Variants in CHI3L1 observed in about 807,000 individuals in gnomAD.
CHI3L1 encodes the protein chitinase 3 like 1, also known as chitinase-3-like protein 1.
CHI3L1 carries 30 observed loss-of-function variants against 40.7 expected under a neutral mutation model. That is an observed-to-expected ratio of 0.74 (90% CI 0.55 to 1.00). The LOEUF is 1.00. Among genes scored for constraint, CHI3L1 ranks in the 50% least tolerant of loss-of-function variants. The probability of loss-of-function intolerance (pLI) is 0.00; values close to 1 mark genes in which losing one functional copy is unlikely to be tolerated. For synonymous variants in CHI3L1, 210 were observed against 192.1 expected (o/e 1.09, Z -0.77); for missense variants, 493 against 492.2 (o/e 1.00, Z -0.01).
Position 203,181,142 on chromosome 1 carries a change from C to T in CHI3L1, c.711+20G>A. ...GGTCTTGCGGCCCCCTCCTGGCCCT[C>T]CCTCCTTCTGGGAACTCACAGTGTT... is the stretch of plus-strand genomic sequence containing the variant. On this transcript the variant is annotated intron_variant, in intron 7 of 9. Coordinates refer to ENST00000255409, the MANE Select transcript of CHI3L1 (RefSeq NM_001276.4). 3 of 1,613,202 alleles carry T rather than the reference C, an allele frequency of 1.9e-6. No homozygotes were observed. The highest frequency in any genetic ancestry group is 1.1e-5 in the South Asian group (1 of 90,960).
chr1:203,182,734 G>A lies in CHI3L1; in HGVS notation c.584C>T (p.Ser195Phe). Residue 195 changes from serine to phenylalanine, a missense_variant, in exon 6 of 10, where the codon TCC becomes TTC. Coordinates refer to ENST00000255409, the MANE Select transcript of CHI3L1 (RefSeq NM_001276.4). ...IDSSYDIAKI[S>F]QHLDFISIMT... is the part of the protein sequence containing the mutation. ...CTGCCTGGGGCAGGAGACTCACTGG[G>A]ATATCTTGGCAATGTCATAGCTGCT... is the stretch of plus-strand genomic sequence containing the variant. 1 of 1,613,986 alleles carries A rather than the reference G, an allele frequency of 6.2e-7. No individual in the cohort carries two copies. Among genetic ancestry groups the A allele is most frequent in the Non-Finnish European group, 8.5e-7 (1 of 1,179,992 alleles).
chr1:203,183,609 A>T (rs200389560), intron 5 of CHI3L1, 32 bp downstream of exon 5: 6 of 1,610,774 alleles, frequency 3.7e-6, no homozygotes, highest in Non-Finnish European at 5.1e-6. Context: ...ATGCCTGCCC[A>T]CCTCCCTCCC....
chr1:203,183,615 C>T, intron 5 of CHI3L1, 26 bp downstream of exon 5: 1 of 1,612,792 alleles, frequency 6.2e-7, no homozygotes, highest in Non-Finnish European at 8.5e-7. Flanking sequence ...GCCCACCTCC[C>T]TCCCTGTCCC....
At chr1:203,179,949 C>A in intron 8 of CHI3L1, 72 bp from the exon 9 acceptor site, 2 of 1,369,836 alleles carry the variant, frequency 1.5e-6, no homozygotes, top group South Asian at 2.5e-5. Context: ...GGAGACGCCA[C>A]TCTCCAAATC....
In CHI3L1 at chr1:203,180,000, A is replaced by C. The variant is rs1163919773; in HGVS notation, c.895-123T>G. Reference sequence around the variant, plus strand: ...TCCATCCTGCAGCCTCACTCTCTGCAGGGTCTGCAGGCTGCATGCATCACA... The same window carrying C: ...TCCATCCTGCAGCCTCACTCTCTGCCGGGTCTGCAGGCTGCATGCATCACA... On this transcript the variant is annotated intron_variant, in intron 8 of 9. Coordinates refer to ENST00000255409, the MANE Select transcript of CHI3L1 (RefSeq NM_001276.4). 8.3e-6 allele frequency: 7 copies of C among 845,380 alleles called. No homozygotes were observed. The Admixed American group carries it at 1.7e-4, about 21-fold the overall frequency. The allele number at this position is 845,380 out of a possible 1,614,324, so 52.4% of individuals were successfully genotyped here.
chr1:203,182,916 G>C, intron 5 of CHI3L1, 64 bp from the exon 6 acceptor site: 1 of 1,560,350 alleles, frequency 6.4e-7, no homozygotes, highest in Non-Finnish European at 8.8e-7. Flanking sequence ...GACTCATCGA[G>C]GGCGGACTAG....
At chr1:203,179,649 T>G in intron 9 of CHI3L1, 64 bp from the exon 10 acceptor site, 1 of 1,613,872 alleles carries the variant, frequency 6.2e-7, no homozygotes, top group South Asian at 1.1e-5. Flanking sequence ...ACAGGGCACA[T>G]GTGCTCTGTG....
chr1:203,184,956 G>A (rs1178124780), intron 3 of CHI3L1, among the ~76,000 whole-genome samples: 1 of 152,062 alleles, frequency 6.6e-6, no homozygotes, highest in African/African-American at 2.4e-5. Flanking sequence ...GCAGGAGAGG[G>A]TTCCCCTCTC....
intron 2 of CHI3L1, 89 bp downstream of exon 2, chr1:203,186,227 G>T: frequency 7.1e-7 from 1 of 1,403,110 alleles, no homozygotes; most frequent in Non-Finnish European, 9.9e-7. Context: ...CTGGCAAAGT[G>T]TTCCCTTGGA....
rs920357181 is a variant in CHI3L1 at position 203,182,751 on chromosome 1, A to G, written c.567T>C (p.Tyr189=). 6.2e-7 allele frequency: 1 copy of G among 1,614,124 alleles called. No individual in the cohort carries two copies. The highest frequency in any genetic ancestry group is 8.5e-7 in the Non-Finnish European group (1 of 1,180,022). Residue 189 remains tyrosine, a synonymous_variant, in exon 6 of 10, where the codon TAT becomes TAC. Transcript: ENST00000255409. The part of the protein sequence containing the change: ...SAGKVTIDSS[Y]DIAKISQHLD... ...CTCACTGGGATATCTTGGCAATGTCATAGCTGCTGTCAATGGTGACCTTCC... is the reference window on the plus strand; with the variant it reads ...CTCACTGGGATATCTTGGCAATGTCGTAGCTGCTGTCAATGGTGACCTTCC...
chr1:203,179,809 CTTGGTGGCAT>C lies in CHI3L1; in HGVS notation c.953_962del (p.Tyr318TrpfsTer6). 1.2e-6 allele frequency: 2 copies of C among 1,614,210 alleles called. No homozygotes were observed. On this transcript the variant is annotated frameshift_variant, in exon 9 of 10. Transcript: ENST00000255409. LOFTEE classifies it low-confidence loss of function (END_TRUNC). ...CGTCGTATCCTACCCACTGGTTGCC[CTTGGTGGCAT>C]AGGGGACCTGCTGGCCGAGGATTCT...
chr1:203,183,855 G>A, intron 4 of CHI3L1, 64 bp from the exon 5 acceptor site: 2 of 1,587,972 alleles, frequency 1.3e-6, no homozygotes. Flanking sequence ...TGGGCCTCTG[G>A]TGGGGTTTCC....
chr1:203,180,012 C>A, intron 8 of CHI3L1, 135 bp from the exon 9 acceptor site: 3 of 754,850 alleles, frequency 4.0e-6, no homozygotes, highest in Non-Finnish European at 6.5e-6. Context: ...GGTCTGCAGG[C>A]TGCATGCATC....
intron 6 of CHI3L1, among the ~76,000 whole-genome samples, chr1:203,182,338 G>A (rs1655953847): frequency 6.6e-6 from 1 of 152,180 alleles, no homozygotes; most frequent in Admixed American, 6.5e-5. Context: ...GGACTCCCCA[G>A]CACTCTAGAA....
intron 2 of CHI3L1, 114 bp downstream of exon 2, chr1:203,186,202 G>T: frequency 8.8e-7 from 1 of 1,136,796 alleles, no homozygotes; most frequent in Non-Finnish European, 1.3e-6. Context: ...GAAGTCATTG[G>T]AAGCACAGAA....
intron 6 of CHI3L1, chr1:203,182,242 T>C (rs563516513): frequency 1.3e-5 from 2 of 158,184 alleles, no homozygotes; most frequent in South Asian, 3.8e-4. Flanking sequence ...CTGTTCCTTG[T>C]TCCTCACAGG....
chr1:203,184,488 A>C, intron 4 of CHI3L1, 88 bp downstream of exon 4: 1 of 1,055,410 alleles, frequency 9.5e-7, no homozygotes, highest in Non-Finnish European at 1.5e-6. Flanking sequence ...AGCCCCTGGA[A>C]CATCCATACA....
Position 203,184,622 on chromosome 1 carries a change from G to A in CHI3L1, c.268C>T (p.Leu90=). 1 of 1,614,060 alleles carries A rather than the reference G, an allele frequency of 6.2e-7. No individual in the cohort carries two copies. The highest frequency in any genetic ancestry group is 8.5e-7 in the Non-Finnish European group (1 of 1,179,918). ...LNTLKNRNPN[L]KTLLSVGGWN... The stretch of plus-strand genomic sequence containing the variant: ...CCTCCGACAGACAAGAGAGTCTTCA[G>A]GTTGGGGTTCCTGTGGAGCACAGGG... The change falls in exon 4 of 10, where the codon CTG becomes TTG. Residue 90 remains leucine (L), a synonymous_variant. Transcript: ENST00000255409.
In CHI3L1 at chr1:203,184,530, T is replaced by A. The variant is rs771919837; in HGVS notation, c.314+46A>T. Reference sequence around the variant, plus strand: ...GCGGGAGACCCAAGCTCCTCACTCCTATGCCATCATCCTCTGCCGTCCTGC... The same window carrying A: ...GCGGGAGACCCAAGCTCCTCACTCCAATGCCATCATCCTCTGCCGTCCTGC... On this transcript the variant is annotated intron_variant, in intron 4 of 9. Transcript: ENST00000255409. The A allele has an allele frequency of 7.9e-6, 12 of 1,521,058 alleles. No individual in the cohort carries two copies. In the African/African-American group the frequency reaches 1.6e-4, roughly 21 times the overall value. The allele number at this position is 1,521,058 out of a possible 1,614,324, so 94.2% of individuals were successfully genotyped here. A position where few individuals can be genotyped will look rare whatever the true frequency, so the allele number is the denominator to read the frequency against.
Sources: allele counts gnomAD v4.1 joint callset (sites outside exome capture counted in the v4.1 genomes callset), GRCh38; gene constraint gnomAD v4.1.1; transcripts MANE v1.5; gene names NCBI Gene and HGNC (gene_info 2026-07-23, HGNC 2026-07-21).